Variants in CADPS observed in about 807,000 individuals in gnomAD.
CADPS encodes the protein calcium-dependent secretion activator 1.
A neutral mutation model predicts 167.3 loss-of-function variants in CADPS; 57 were observed. That is an observed-to-expected ratio of 0.34 (90% confidence interval 0.28 to 0.42). CADPS has a LOEUF of 0.42. CADPS is among the 20% of genes least tolerant of loss of function. The pLI, the probability that CADPS is intolerant of heterozygous loss-of-function variation, is 1.00. For missense variants in CADPS, 1,414 were observed against 1,738.1 expected, an observed-to-expected ratio of 0.81 and a Z score of 3.32; for synonymous variants, 676 against 635.3, an observed-to-expected ratio of 1.06 and a Z score of -0.96.
At chr3:62,749,113 G>A (rs900302158) in intron 3 of CADPS, among the ~76,000 whole-genome samples, 4 of 152,172 alleles carry the variant, frequency 2.6e-5, no homozygotes, top group African/African-American at 9.7e-5. Context: ...ATTTTACTTT[G>A]GATATTATGT....
chr3:62,566,837 C>T (rs2080312305), intron 9 of CADPS, among the ~76,000 whole-genome samples: 1 of 152,120 alleles, frequency 6.6e-6, no homozygotes, highest in Non-Finnish European at 1.5e-5. Flanking sequence ...ATGTCCCCAA[C>T]ATACCTTGAC....
At chr3:62,517,264 A>G (rs753484504) in intron 14 of CADPS, among the ~76,000 whole-genome samples, 4 of 152,126 alleles carry the variant, frequency 2.6e-5, no homozygotes, top group Non-Finnish European at 5.9e-5. Flanking sequence ...TCAGGTTGTC[A>G]CTGGCCCGTC....
At chr3:62,646,919 A>G (rs1017255488) in intron 5 of CADPS, among the ~76,000 whole-genome samples, 17 of 152,212 alleles carry the variant, frequency 1.1e-4, no homozygotes, top group African/African-American at 4.1e-4. Flanking sequence ...TCTTTGGTCC[A>G]GACTGAGAGA....
chr3:62,757,647 TAAA>T (rs768494906), intron 2 of CADPS, among the ~76,000 whole-genome samples: 19 of 152,078 alleles, frequency 1.2e-4, no homozygotes, highest in Non-Finnish European at 2.5e-4. Context: ...GGGTAAGAAA[TAAA>T]GATGTTGGCA....
intron 9 of CADPS, among the ~76,000 whole-genome samples, chr3:62,558,309 A>G (rs1322584385): frequency 6.6e-6 from 1 of 152,224 alleles, no homozygotes; most frequent in Non-Finnish European, 1.5e-5. Flanking sequence ...GCGGGTGCTC[A>G]CAGCTGCAGG....
intron 1 of CADPS, among the ~76,000 whole-genome samples, chr3:62,777,351 T>C (rs755565557): frequency 2.0e-5 from 3 of 152,144 alleles, no homozygotes; most frequent in Non-Finnish European, 4.4e-5. Context: ...AGAGAGAAGG[T>C]ACAAGTGATT....
chr3:62,811,797 T>C (rs2094406452), intron 1 of CADPS, among the ~76,000 whole-genome samples: 2 of 152,230 alleles, frequency 1.3e-5, no homozygotes, highest in South Asian at 2.1e-4. Context: ...CCATTGTCTC[T>C]AAATGTCGTA....
chr3:62,695,447 C>T (rs1392151974), intron 3 of CADPS, among the ~76,000 whole-genome samples: 3 of 152,026 alleles, frequency 2.0e-5, no homozygotes, highest in Non-Finnish European at 1.5e-5. Flanking sequence ...ATTAATACGG[C>T]CAGGCTTTAT....
chr3:62,609,395 G>C (rs552034398), intron 6 of CADPS, among the ~76,000 whole-genome samples: 5 of 152,288 alleles, frequency 3.3e-5, no homozygotes, highest in Admixed American at 3.3e-4. Context: ...CAGGTGCTCT[G>C]TTTTACCTTT....
intron 3 of CADPS, among the ~76,000 whole-genome samples, chr3:62,709,126 C>T (rs1238121894): frequency 6.6e-6 from 1 of 152,116 alleles, no homozygotes; most frequent in African/African-American, 2.4e-5. Flanking sequence ...AGGGTACCTC[C>T]AGCTCTGGCT....
At chr3:62,504,933 A>G (rs1200954781) in intron 17 of CADPS, among the ~76,000 whole-genome samples, 4 of 152,204 alleles carry the variant, frequency 2.6e-5, no homozygotes, top group African/African-American at 4.8e-5. Flanking sequence ...TCCCTGAAAT[A>G]TCATATGAGA....
At chr3:62,662,744 G>A (rs372582110) in intron 3 of CADPS, among the ~76,000 whole-genome samples, 5 of 152,132 alleles carry the variant, frequency 3.3e-5, no homozygotes, top group Admixed American at 2.6e-4. Context: ...GAAGGAGACG[G>A]CAATATAACT....
intron 3 of CADPS, among the ~76,000 whole-genome samples, chr3:62,734,223 C>T (rs372460524): frequency 9.2e-5 from 14 of 152,262 alleles, no homozygotes; most frequent in African/African-American, 2.6e-4. Context: ...TAGACCAATG[C>T]TGCACAAAAG....
rs1491429269 is a variant in CADPS at position 62,599,780 on chromosome 3, T to TATTATATATATTG, written c.1326-7033_1326-7032insCAATATATATAAT. Among the ~76,000 whole-genome samples, 71 of 12,286 alleles carry TATTATATATATTG rather than the reference T, an allele frequency of 5.8e-3. 3 individuals are homozygous for TATTATATATATTG. The highest frequency in any genetic ancestry group is 8.7e-3 in the South Asian group (3 of 344). The allele number at this position is 12,286 out of a possible 152,430, so 8.1% of individuals were successfully genotyped here. On this transcript the variant is annotated intron_variant, in intron 6 of 29. Coordinates refer to ENST00000383710, the MANE Select transcript of CADPS (RefSeq NM_003716.4). The stretch of plus-strand genomic sequence containing the variant: ...ATATATTGTATATATAATATATATA[T>TATTATATATATTG]TATATATAATATATATAATATATAA...
At chr3:62,796,715 G>A (rs2152773469) in intron 1 of CADPS, among the ~76,000 whole-genome samples, 2 of 152,196 alleles carry the variant, frequency 1.3e-5, no homozygotes, top group Middle Eastern at 3.4e-3. Context: ...TAAATGACCT[G>A]CATAAATATT....
At chr3:62,764,226 C>A (rs942656952) in intron 2 of CADPS, among the ~76,000 whole-genome samples, 1 of 152,122 alleles carries the variant, frequency 6.6e-6, no homozygotes, top group Non-Finnish European at 1.5e-5. Flanking sequence ...TAATTTCATT[C>A]CCAGGCAGTT....
At chr3:62,574,147 G>A (rs1041403614) in intron 8 of CADPS, among the ~76,000 whole-genome samples, 4 of 152,078 alleles carry the variant, frequency 2.6e-5, no homozygotes, top group African/African-American at 9.7e-5. Flanking sequence ...ACCATGACAG[G>A]AGTCCGCTAA....
chr3:62,836,627 T>C (rs1401971889), intron 1 of CADPS, among the ~76,000 whole-genome samples: 2 of 152,258 alleles, frequency 1.3e-5, no homozygotes, highest in South Asian at 2.1e-4. Flanking sequence ...GGTTAATCAA[T>C]GGGGCTGTAG....
chr3:62,664,939 C>T (rs2074135610), intron 3 of CADPS, among the ~76,000 whole-genome samples: 1 of 151,882 alleles, frequency 6.6e-6, no homozygotes, highest in Non-Finnish European at 1.5e-5. Flanking sequence ...CTAATTTACT[C>T]ATTCATTCAT....
Sources: gnomAD v4.1 joint callset for allele counts (sites outside exome capture counted in the v4.1 genomes callset) on GRCh38, gnomAD v4.1.1 for gene constraint, MANE v1.5 for transcripts, NCBI Gene and HGNC (gene_info 2026-07-23, HGNC 2026-07-21) for gene names.